The following EPAS1 variants were observed in gnomAD, a reference collection of about 807,000 sequenced individuals.
EPAS1 encodes endothelial PAS domain-containing protein 1.
Under a neutral mutation model 87.9 loss-of-function variants are expected in EPAS1, and 23 were observed. That is an observed-to-expected ratio of 0.26 (90% CI 0.19 to 0.37). The LOEUF (loss-of-function observed/expected upper bound fraction) is 0.37, where lower values mean the gene tolerates loss of function less well. Ranked by LOEUF, EPAS1 falls within the 10% of genes least tolerant of loss-of-function variation. EPAS1 has a pLI of 1.00. For missense variants in EPAS1, 1,138 were observed against 1,120.7 expected (o/e 1.02, Z -0.22); for synonymous variants, 508 against 444.3 (o/e 1.14, Z -1.80).
Position 46,379,994 on chromosome 2 carries a change from C to T in EPAS1, c.1555-233C>T, listed in dbSNP as rs1014915825. Reference sequence around the variant, plus strand: ...GGAGAGGAGAACATTTCTCAATGTGCAGGGTGAAGAGGGGATAAACATGGG... The same window carrying T: ...GGAGAGGAGAACATTTCTCAATGTGTAGGGTGAAGAGGGGATAAACATGGG... On this transcript the variant is annotated intron_variant, in intron 11 of 15. Coordinates refer to ENST00000263734, the MANE Select transcript of EPAS1 (RefSeq NM_001430.5). 20 of 645,022 alleles carry T rather than the reference C, an allele frequency of 3.1e-5. No individual in the cohort carries two copies. In the East Asian group the frequency reaches 5.2e-4, roughly 17 times the overall value. The allele number at this position is 645,022 out of a possible 1,614,324, so 40.0% of individuals were successfully genotyped here.
intron 1 of EPAS1, among the ~76,000 whole-genome samples, chr2:46,342,411 C>G (rs1683931191): frequency 2.0e-5 from 3 of 152,228 alleles, no homozygotes; most frequent in African/African-American, 7.2e-5. Flanking sequence ...AATTTCACCA[C>G]CAACCAATAG....
chr2:46,374,644 C>G (rs1474500610), intron 7 of EPAS1, among the ~76,000 whole-genome samples: 2 of 152,188 alleles, frequency 1.3e-5, no homozygotes, highest in Non-Finnish European at 2.9e-5. Context: ...CCCTCCATGC[C>G]CTTTCCTAAC....
chr2:46,381,834 CCAGGGCTGCTGA>C, intron 13 of EPAS1, 112 bp downstream of exon 13: 1 of 1,566,656 alleles, frequency 6.4e-7, no homozygotes, highest in Non-Finnish European at 8.7e-7. Flanking sequence ...CTTAGGGAAC[CCAGGGCTGCTGA>C]GAGGGGTGGG....
intron 1 of EPAS1, among the ~76,000 whole-genome samples, chr2:46,328,275 G>A (rs762624409): frequency 2.6e-5 from 4 of 152,214 alleles, no homozygotes; most frequent in Admixed American, 6.5e-5. Flanking sequence ...TGAAGAATGA[G>A]TAGAGGCCAC....
intron 1 of EPAS1, among the ~76,000 whole-genome samples, chr2:46,312,795 C>G (rs1313711520): frequency 6.6e-6 from 1 of 152,208 alleles, no homozygotes; most frequent in African/African-American, 2.4e-5. Flanking sequence ...AGACCAAGGA[C>G]ACTTCCAGGA....
At chr2:46,323,863 G>T (rs1036658347) in intron 1 of EPAS1, among the ~76,000 whole-genome samples, 1 of 152,132 alleles carries the variant, frequency 6.6e-6, no homozygotes, top group Admixed American at 6.5e-5. Flanking sequence ...GTAATCAAAG[G>T]AAACTGACTG....
rs1281223847 is a variant in EPAS1, at chr2:46,332,330, GTGTA to G, written c.27-14541_27-14538del. ...TGTGTGTGTGTGTGTGTGTGTGTGT[GTGTA>G]TCAACTTGTTTTCTCTTTGGCTGCT... On this transcript the variant is annotated intron_variant, in intron 1 of 15. Transcript: ENST00000263734. Among the ~76,000 whole-genome samples, 5 of 135,820 alleles carry G rather than the reference GTGTA, an allele frequency of 3.7e-5. No homozygotes were observed. In the South Asian group the frequency reaches 6.7e-4, roughly 18 times the overall value. The allele number at this position is 135,820 out of a possible 152,430, so 89.1% of individuals were successfully genotyped here.
intron 1 of EPAS1, among the ~76,000 whole-genome samples, chr2:46,306,981 G>A (rs962988178): frequency 3.9e-5 from 6 of 152,146 alleles, no homozygotes; most frequent in Non-Finnish European, 8.8e-5. Flanking sequence ...AATTAATCAG[G>A]ATGGGAGCTA....
At position 46,362,896 on chromosome 2, in the gene EPAS1, A is replaced by T. The variant is rs1684422282; in HGVS notation, c.779+1806A>T. ...TCTAACCTCATAGGGAGAAAATGTC[A>T]TGCATGAAGCCTTCCGTCCTGGAAC... On this transcript the variant is annotated intron_variant, in intron 6 of 15. Transcript: ENST00000263734. Among the ~76,000 whole-genome samples, 4 of 150,334 alleles carry T rather than the reference A, an allele frequency of 2.7e-5. No homozygotes were observed. The South Asian group carries it at 8.5e-4, about 32-fold the overall frequency.
In EPAS1 at chr2:46,382,488, A is replaced by T. The variant is rs756889148; in HGVS notation, c.2351A>T (p.Gln784Leu). 1 of 1,614,016 alleles carries T rather than the reference A, an allele frequency of 6.2e-7. No homozygotes were observed. The highest frequency in any genetic ancestry group is 8.5e-7 in the Non-Finnish European group (1 of 1,180,032). Residue 784 changes from glutamine to leucine, a missense_variant, in exon 15 of 16, where the codon CAG becomes CTG. Coordinates refer to ENST00000263734, the MANE Select transcript of EPAS1 (RefSeq NM_001430.5). ...GHPLRHLPLPQPPSAISPGEN... is the reference protein window; with the variant it reads ...GHPLRHLPLPLPPSAISPGEN... ...CCCCTGAGACATCTGCCGCTGCCAC[A>T]GCCTCCATCTGCCATCAGTCCCGGG...
At chr2:46,365,504 A>G (rs1684482597) in intron 6 of EPAS1, among the ~76,000 whole-genome samples, 1 of 152,242 alleles carries the variant, frequency 6.6e-6, no homozygotes, top group Non-Finnish European at 1.5e-5. Flanking sequence ...GATCCTAAAG[A>G]TAATGTCAGT....
At chr2:46,298,575 C>T (rs1254275597) in intron 1 of EPAS1, among the ~76,000 whole-genome samples, 1 of 152,208 alleles carries the variant, frequency 6.6e-6, no homozygotes, top group Admixed American at 6.5e-5. Flanking sequence ...TAGTGAGTGA[C>T]CTGGATTGCC....
rs114482302 is a variant in EPAS1, at chr2:46,352,583, A to G, written c.218-3568A>G. Among the ~76,000 whole-genome samples, 1,079 of 152,302 alleles carry G rather than the reference A, an allele frequency of 7.1e-3. 11 individuals carry two copies. The highest frequency in any genetic ancestry group is 0.025 in the African/African-American group (1,042 of 41,568). On this transcript the variant is annotated intron_variant, in intron 2 of 15. Coordinates refer to ENST00000263734, the MANE Select transcript of EPAS1 (RefSeq NM_001430.5). ...GGGTCTTCAGCAGATTTGTGACATG[A>G]GCCTCCACGGTGAGGGGCTACCTCC...
chr2:46,379,799 C>G (rs1684844378), intron 11 of EPAS1: 1 of 257,468 alleles, frequency 3.9e-6, no homozygotes, highest in African/African-American at 2.2e-5. Flanking sequence ...AGGCCCGTGC[C>G]AGCTTACAGG....
chr2:46,380,732 CT>C lies in EPAS1; in HGVS notation c.2045+16del. On this transcript the variant is annotated intron_variant, in intron 12 of 15. Coordinates refer to ENST00000263734, the MANE Select transcript of EPAS1 (RefSeq NM_001430.5). This position sits in a 1 kb window ranked among gnomAD's most constrained non-coding sequence, Gnocchi z 4.4. Reference sequence around the variant, plus strand: ...TTCAAGACAAGGTAAGTGGCAGATACTCAGCTGTACCAGCAGGGCCGAACCG... The same window carrying C: ...TTCAAGACAAGGTAAGTGGCAGATACCAGCTGTACCAGCAGGGCCGAACCG... The C allele has an allele frequency of 6.2e-7, 1 of 1,607,326 alleles. No homozygotes were observed.
At chr2:46,356,000 G>C in intron 2 of EPAS1, 151 bp from the exon 3 acceptor site, 1 of 810,804 alleles carries the variant, frequency 1.2e-6, no homozygotes. Flanking sequence ...GCTGCCAGGC[G>C]GAGGCAGACA....
chr2:46,346,973 C>T lies in EPAS1; in HGVS notation c.127C>T (p.Leu43=), dbSNP rs752221582. 6.2e-7 allele frequency: 1 copy of T among 1,614,218 alleles called. No individual in the cohort carries two copies. The highest frequency in any genetic ancestry group is 1.1e-5 in the South Asian group (1 of 91,088). Residue 43 remains leucine (L), a synonymous_variant, in exon 2 of 16, where the codon CTG becomes TTG. Coordinates refer to ENST00000263734, the MANE Select transcript of EPAS1 (RefSeq NM_001430.5). This position sits in a 1 kb window ranked among gnomAD's most constrained non-coding sequence, Gnocchi z 4.0. ...VFYELAHELP[L]PHSVSSHLDK... is the part of the protein sequence containing the mutation. ...CTATGAGCTGGCCCATGAGCTGCCT[C>T]TGCCCCACAGTGTGAGCTCCCATCT...
In EPAS1 at chr2:46,347,425, A is replaced by G; in HGVS notation, c.217+362A>G. On this transcript the variant is annotated intron_variant, in intron 2 of 15. Transcript: ENST00000263734. The surrounding 1 kb of genome is among the most constrained non-coding windows in gnomAD (Gnocchi z 4.2). The stretch of plus-strand genomic sequence containing the variant: ...ACACTAGATTGAGTCCGCAGGAAGC[A>G]TTCTAATCCTTAACTTCCAGTGCCT... 1 of 354,374 alleles carries G rather than the reference A, an allele frequency of 2.8e-6. No individual in the cohort carries two copies. Among genetic ancestry groups the G allele is most frequent in the East Asian group, 6.6e-5 (1 of 15,136 alleles). 22.0% of individuals were successfully genotyped at this position (354,374 alleles called of 1,614,324 possible).
chr2:46,381,948 C>T lies in EPAS1; in HGVS notation c.2173-27C>T, dbSNP rs114150617. ...GGACCTGGTTCTCTGGCCATTTCCC[C>T]TTTCCATCTGCCCTTCTTACTCCCA... On this transcript the variant is annotated intron_variant, in intron 13 of 15. Transcript: ENST00000263734. 2.7e-3 allele frequency: 4,367 copies of T among 1,601,890 alleles called. 116 individuals are homozygous for T. In the African/African-American group the frequency reaches 0.052, roughly 19 times the overall value.
Sources: gnomAD v4.1 joint callset for allele counts (sites outside exome capture counted in the v4.1 genomes callset) on GRCh38, gnomAD v4.1.1 for gene constraint, Gnocchi (gnomAD v3.1) non-coding constraint, MANE v1.5 for transcripts, NCBI Gene and HGNC (gene_info 2026-07-23, HGNC 2026-07-21) for gene names.